Variants in ZCCHC2 observed in about 807,000 individuals in gnomAD.
The protein encoded by ZCCHC2 is zinc finger CCHC-type containing 2.
In ZCCHC2, 39 loss-of-function variants were observed where a neutral mutation model predicts 103.6. The ratio of observed to expected loss-of-function variants is 0.38; its 90% CI spans 0.29 to 0.49. The LOEUF (loss-of-function observed/expected upper bound fraction) is 0.49, where lower values mean the gene tolerates loss of function less well. ZCCHC2 is among the 20% of genes least tolerant of loss of function. ZCCHC2 has a pLI of 0.96. For synonymous variants in ZCCHC2, 687 were observed against 608.9 expected (o/e 1.13, Z -1.89); for missense variants, 1,483 against 1,491.0 (o/e 0.99, Z 0.09).
intron 10 of ZCCHC2, 48 bp downstream of exon 10, chr18:62,564,683 C>T (rs1916270126): frequency 6.0e-6 from 8 of 1,338,720 alleles, no homozygotes; most frequent in Non-Finnish European, 8.2e-6. Context: ...GATAATAGGC[C>T]TGTTTAGTTT....
chr18:62,575,216 C>A lies in ZCCHC2; in HGVS notation c.3135C>A (p.Val1045=). ...CAATGCCTGGACCAATGTACCGAGT[C>A]CCTTCATTCTTTACTCTGCCATCCA... is the stretch of plus-strand genomic sequence containing the variant. ...PNPMPGPMYR[V]PSFFTLPSIC... Residue 1045 remains valine (V), a synonymous_variant, in exon 13 of 14, where the codon GTC becomes GTA. Transcript: ENST00000269499. 6.2e-7 allele frequency: 1 copy of A among 1,613,996 alleles called. No homozygotes were observed. Among genetic ancestry groups the A allele is most frequent in the South Asian group, 1.1e-5 (1 of 91,082 alleles).
intron 5 of ZCCHC2, among the ~76,000 whole-genome samples, chr18:62,554,087 T>C (rs545920744): frequency 1.6e-4 from 24 of 152,296 alleles, no homozygotes; most frequent in African/African-American, 5.5e-4. Context: ...TTGGATTCAT[T>C]TGTAATTTAT....
chr18:62,525,538 C>T (rs909564787), intron 1 of ZCCHC2: 33 of 152,250 alleles, frequency 2.2e-4, no homozygotes, highest in African/African-American at 7.5e-4. Context: ...ATTCAGTACC[C>T]CAGAACTAAA....
chr18:62,570,981 G>C (rs918961249), intron 12 of ZCCHC2, among the ~76,000 whole-genome samples: 1 of 152,126 alleles, frequency 6.6e-6, no homozygotes, highest in Non-Finnish European at 1.5e-5. Context: ...GTAACTATAG[G>C]CATGAGCAAA....
At position 62,576,789 on chromosome 18, in the gene ZCCHC2, A is replaced by G. The variant is rs1916861221; in HGVS notation, c.*210A>G. ...GGTCTCCTGGTTCAACAACAGGCTT[A>G]TATGTATGATACATGTAATTTAAAC... On this transcript the variant is annotated 3_prime_UTR_variant, in exon 14 of 14. Coordinates refer to ENST00000269499, the MANE Select transcript of ZCCHC2 (RefSeq NM_017742.6). 2.0e-6 allele frequency: 1 copy of G among 493,614 alleles called. No individual in the cohort carries two copies. Among genetic ancestry groups the G allele is most frequent in the African/African-American group, 2.0e-5 (1 of 50,518 alleles). 30.6% of individuals were successfully genotyped at this position (493,614 alleles called of 1,614,324 possible).
intron 9 of ZCCHC2, among the ~76,000 whole-genome samples, chr18:62,563,686 T>A (rs773646024): frequency 1.8e-4 from 27 of 152,134 alleles, no homozygotes; most frequent in Non-Finnish European, 3.1e-4. Context: ...AAAATAAAAA[T>A]TTTAAAAATA....
chr18:62,567,944 C>CAAAAAAAGAA (rs1555788569), intron 11 of ZCCHC2, among the ~76,000 whole-genome samples: 3 of 81,402 alleles, frequency 3.7e-5, no homozygotes, highest in Non-Finnish European at 6.2e-5. Context: ...GACTCTGTCT[C>CAAAAAAAGAA]AAAAAAAAAA....
chr18:62,558,510 G>A (rs1047553999), intron 6 of ZCCHC2, 177 bp from the exon 7 acceptor site: 6 of 396,398 alleles, frequency 1.5e-5, no homozygotes, highest in African/African-American at 4.2e-5. Flanking sequence ...TCTTGAACAC[G>A]GTTCCCACTC....
chr18:62,574,145 G>A lies in ZCCHC2; in HGVS notation c.2064G>A (p.Lys688=). 3.1e-6 allele frequency: 5 copies of A among 1,614,042 alleles called. No homozygotes were observed. The highest frequency in any genetic ancestry group is 4.2e-6 in the Non-Finnish European group (5 of 1,179,894). Residue 688 remains lysine (K), a synonymous_variant, in exon 13 of 14, where the codon AAG becomes AAA. Coordinates refer to ENST00000269499, the MANE Select transcript of ZCCHC2 (RefSeq NM_017742.6). ...CTGTCAACCAGACTGTCACTGTCAA[G>A]CCACCTGTTCAAATTGCTTCACTAG... is the stretch of plus-strand genomic sequence containing the variant. ...YGSVNQTVTV[K]PPVQIASLGN...
intron 5 of ZCCHC2, among the ~76,000 whole-genome samples, chr18:62,553,156 ATGTGTGTGTGTGTGTGTGTGTGTG>A (rs142422088): frequency 1.4e-5 from 2 of 139,856 alleles, no homozygotes; most frequent in East Asian, 2.1e-4. Context: ...CCTTAGATTT[ATGTGTGTGTGTGTGTGTGTGTGTG>A]TGTGTGTGTG....
intron 2 of ZCCHC2, among the ~76,000 whole-genome samples, chr18:62,540,040 G>A (rs923357506): frequency 6.6e-6 from 1 of 152,142 alleles, no homozygotes; most frequent in African/African-American, 2.4e-5. Context: ...TGTCTTGGCT[G>A]AATCTTAAAC....
intron 5 of ZCCHC2, among the ~76,000 whole-genome samples, chr18:62,552,704 A>G (rs1915716841): frequency 6.6e-6 from 1 of 152,082 alleles, no homozygotes; most frequent in Non-Finnish European, 1.5e-5. Context: ...CCTGGGCAAC[A>G]TAGTGAAACC....
At chr18:62,541,279 C>T (rs1373922818) in intron 2 of ZCCHC2, among the ~76,000 whole-genome samples, 1 of 152,164 alleles carries the variant, frequency 6.6e-6, no homozygotes, top group Non-Finnish European at 1.5e-5. Context: ...CACAAGCAGG[C>T]CACCAAACAC....
Position 62,556,131 on chromosome 18 carries a change from A to G in ZCCHC2, c.1314-72A>G, listed in dbSNP as rs895960980. On this transcript the variant is annotated intron_variant, in intron 5 of 13. Coordinates refer to ENST00000269499, the MANE Select transcript of ZCCHC2 (RefSeq NM_017742.6). Reference sequence around the variant, plus strand: ...TTAAACTGCCACTTCATTCTGCTTTATAATTGAAACTGAGCTTCTTGTGGA... The same window carrying G: ...TTAAACTGCCACTTCATTCTGCTTTGTAATTGAAACTGAGCTTCTTGTGGA... The G allele has an allele frequency of 8.9e-6, 11 of 1,239,416 alleles. No individual in the cohort carries two copies. In the East Asian group the frequency reaches 1.5e-4, roughly 17 times the overall value. The allele number at this position is 1,239,416 out of a possible 1,614,324, so 76.8% of individuals were successfully genotyped here.
At chr18:62,580,249 C>T (rs557773785), downstream of ZCCHC2, among the ~76,000 whole-genome samples, 1 of 152,152 alleles carries the variant, frequency 6.6e-6, no homozygotes, top group African/African-American at 2.4e-5. Context: ...TAGATAATTT[C>T]TCCATTCTGT....
intron 1 of ZCCHC2, among the ~76,000 whole-genome samples, chr18:62,533,316 A>G (rs1289603668): frequency 2.0e-5 from 3 of 152,064 alleles, no homozygotes; most frequent in Non-Finnish European, 4.4e-5. Flanking sequence ...ACTTGAGGTC[A>G]GGAGTTCGAT....
chr18:62,537,034 G>A (rs899765965), intron 1 of ZCCHC2, among the ~76,000 whole-genome samples: 5 of 151,990 alleles, frequency 3.3e-5, no homozygotes, highest in Admixed American at 6.6e-5. Context: ...CCTTTTTAGT[G>A]TACGGTTCAG....
At position 62,574,563 on chromosome 18, in the gene ZCCHC2, A is replaced by C. The variant is rs1321794185; in HGVS notation, c.2482A>C (p.Thr828Pro). Residue 828 changes from threonine to proline, a missense_variant, in exon 13 of 14, where the codon ACA becomes CCA. By Grantham distance (38) the Thr-to-Pro change is conservative (BLOSUM62 -1). Transcript: ENST00000269499. ...PPPQGSSESC[T>P]VNIPQQPPGS... The stretch of plus-strand genomic sequence containing the variant: ...ACCACAGGGATCTTCTGAGAGCTGC[A>C]CAGTTAACATCCCACAACAACCACC... 1.2e-6 allele frequency: 2 copies of C among 1,613,950 alleles called. No homozygotes were observed. Among genetic ancestry groups the C allele is most frequent in the African/African-American group, 2.7e-5 (2 of 75,016 alleles).
intron 1 of ZCCHC2, among the ~76,000 whole-genome samples, chr18:62,538,445 A>G (rs1367699531): frequency 2.0e-5 from 3 of 152,108 alleles, no homozygotes; most frequent in Non-Finnish European, 4.4e-5. Flanking sequence ...ATTTTTTAAT[A>G]AAATATATGG....
Sources: allele counts gnomAD v4.1 joint callset (sites outside exome capture counted in the v4.1 genomes callset), GRCh38; gene constraint gnomAD v4.1.1; transcripts MANE v1.5; gene names NCBI Gene and HGNC (gene_info 2026-07-23, HGNC 2026-07-21).